Variants in LMBRD1 observed in about 807,000 individuals in gnomAD.
LMBRD1 encodes LMBR1 domain containing 1.
Under a neutral mutation model 74.8 loss-of-function variants are expected in LMBRD1, and 64 were observed. The ratio of observed to expected loss-of-function variants is 0.86; its 90% CI spans 0.70 to 1.05. The LOEUF (loss-of-function observed/expected upper bound fraction) is 1.05, where lower values mean the gene tolerates loss of function less well. Among genes scored for constraint, LMBRD1 ranks in the 50% least tolerant of loss-of-function variants. LMBRD1 has a pLI of 0.00. For synonymous variants in LMBRD1, 204 were observed against 216.3 expected, an observed-to-expected ratio of 0.94 and a Z score of 0.50; for missense variants, 652 against 645.9, an observed-to-expected ratio of 1.01 and a Z score of -0.10.
At chr6:69,705,166 C>T (rs1173628167) in intron 9 of LMBRD1, 5 of 496,134 alleles carry the variant, frequency 1.0e-5, no homozygotes, top group South Asian at 7.9e-5. Flanking sequence ...GCCTGGACAA[C>T]ATTTATCAAA....
intron 2 of LMBRD1, among the ~76,000 whole-genome samples, chr6:69,781,805 A>G (rs746738239): frequency 1.3e-5 from 2 of 152,200 alleles, no homozygotes; most frequent in Admixed American, 6.5e-5. Flanking sequence ...AAAGATTGTA[A>G]ATACCAACTG....
At chr6:69,742,606 T>A (rs1767127931) in intron 5 of LMBRD1, among the ~76,000 whole-genome samples, 2 of 152,108 alleles carry the variant, frequency 1.3e-5, no homozygotes, top group South Asian at 2.1e-4. Flanking sequence ...TCCCTTAGGT[T>A]GTATATGTGT....
intron 3 of LMBRD1, among the ~76,000 whole-genome samples, chr6:69,753,525 G>A (rs7738792): frequency 0.34 from 52,396 of 151,986 alleles, 9,962 homozygotes; most frequent in East Asian, 0.54. Flanking sequence ...AAAACAGTAC[G>A]ATGTTTCCTA....
In LMBRD1 at chr6:69,796,931, A is replaced by G; in HGVS notation, c.-50T>C. On this transcript the variant is annotated 5_prime_UTR_variant, in exon 1 of 16. Transcript: ENST00000649934. ...TGAGCGCCCGGGGTGGGGAAAGGGGAGGGGGAAAGGGGAGAGAGCGCGAGA... is the reference window on the plus strand; with the variant it reads ...TGAGCGCCCGGGGTGGGGAAAGGGGGGGGGGAAAGGGGAGAGAGCGCGAGA... 8.2e-7 allele frequency: 1 copy of G among 1,220,236 alleles called. No individual in the cohort carries two copies. The highest frequency in any genetic ancestry group is 2.5e-5 in the East Asian group (1 of 39,876). The allele number at this position is 1,220,236 out of a possible 1,614,324, so 75.6% of individuals were successfully genotyped here.
chr6:69,689,162 AAAG>A (rs1765827802), intron 14 of LMBRD1, among the ~76,000 whole-genome samples: 1 of 152,108 alleles, frequency 6.6e-6, no homozygotes, highest in Non-Finnish European at 1.5e-5. Context: ...GGCGAGAAGG[AAAG>A]AAGTTCAATC....
At chr6:69,705,893 TA>T in intron 9 of LMBRD1, 1 of 1,336,530 alleles carries the variant, frequency 7.5e-7, no homozygotes, top group Non-Finnish European at 1.1e-6. Flanking sequence ...TCAAAGCCCC[TA>T]AGGAAAATTG....
Position 69,674,309 on chromosome 6 carries a change from A to G in LMBRD1, c.*1849T>C, listed in dbSNP as rs1264952716. On this transcript the variant is annotated 3_prime_UTR_variant, in exon 16 of 16. Transcript: ENST00000649934. ...GTATTATTCTATGAAGTACCAGGGG[A>G]CAAGATTTCAACATATGAATTGTAA... Among the ~76,000 whole-genome samples the G allele has an allele frequency of 6.6e-6, 1 of 152,346 alleles. No individual in the cohort carries two copies. Among genetic ancestry groups the G allele is most frequent in the East Asian group, 1.9e-4 (1 of 5,192 alleles).
intron 3 of LMBRD1, among the ~76,000 whole-genome samples, chr6:69,769,953 T>C (rs980123584): frequency 3.3e-5 from 5 of 152,116 alleles, no homozygotes; most frequent in African/African-American, 1.2e-4. Flanking sequence ...GGAGAGTGTA[T>C]TAAAAGTTCA....
chr6:69,770,915 G>A (rs1340531268), intron 3 of LMBRD1, among the ~76,000 whole-genome samples: 1 of 152,148 alleles, frequency 6.6e-6, no homozygotes, highest in East Asian at 1.9e-4. Flanking sequence ...AAGGCTAAAG[G>A]AGTTAAATTA....
At chr6:69,759,338 A>C (rs931330604) in intron 3 of LMBRD1, among the ~76,000 whole-genome samples, 2 of 152,156 alleles carry the variant, frequency 1.3e-5, no homozygotes, top group African/African-American at 4.8e-5. Flanking sequence ...TAGCAGTCTT[A>C]ATACTCACAC....
chr6:69,749,502 A>G, intron 4 of LMBRD1, 94 bp from the exon 5 acceptor site: 1 of 903,580 alleles, frequency 1.1e-6, no homozygotes, highest in Admixed American at 1.9e-5. Context: ...CACATCAGAT[A>G]CATGCTTACA....
chr6:69,747,600 C>T (rs940584272), intron 5 of LMBRD1, among the ~76,000 whole-genome samples: 9 of 152,180 alleles, frequency 5.9e-5, no homozygotes, highest in Non-Finnish European at 1.3e-4. Flanking sequence ...TAAGAACCTG[C>T]TCCTCTACCA....
At chr6:69,734,175 C>T (rs557975835) in intron 7 of LMBRD1, among the ~76,000 whole-genome samples, 16 of 152,264 alleles carry the variant, frequency 1.1e-4, no homozygotes, top group South Asian at 6.2e-4. Flanking sequence ...GCTGTTACAT[C>T]GGAATCTCTC....
intron 14 of LMBRD1, among the ~76,000 whole-genome samples, chr6:69,684,117 CTAT>C (rs1411966383): frequency 6.6e-6 from 1 of 151,818 alleles, no homozygotes; most frequent in Admixed American, 6.6e-5. Flanking sequence ...TTAAAGGAAA[CTAT>C]TAAGAAAAAT....
chr6:69,768,065 T>G (rs1765505539), intron 3 of LMBRD1, among the ~76,000 whole-genome samples: 1 of 151,932 alleles, frequency 6.6e-6, no homozygotes, highest in Non-Finnish European at 1.5e-5. Flanking sequence ...ATATACTATT[T>G]GTGTCCCTGA....
rs777374813 is a variant in LMBRD1 at position 69,790,423 on chromosome 6, C to T, written c.119G>A (p.Arg40Gln). Reference protein sequence around the residue: ...WIYVRKYQSRRESEVVSTITA... With the variant: ...WIYVRKYQSRQESEVVSTITA... Reference sequence around the variant, plus strand: ...TATGGTGGAGACAACTTCACTTTCCCGCCGACTTTGGTATTTACGAACATA... The same window carrying T: ...TATGGTGGAGACAACTTCACTTTCCTGCCGACTTTGGTATTTACGAACATA... The change falls in exon 2 of 16, where the codon CGG becomes CAG. Residue 40 changes from arginine to glutamine, a missense_variant. Physicochemically the swap from Arg to Gln is conservative, Grantham distance 43. Coordinates refer to ENST00000649934, the MANE Select transcript of LMBRD1 (RefSeq NM_018368.4). 1.5e-5 allele frequency: 25 copies of T among 1,613,864 alleles called. 1 individual carries two copies. The highest frequency in any genetic ancestry group is 1.3e-4 in the African/African-American group (10 of 74,902).
intron 14 of LMBRD1, among the ~76,000 whole-genome samples, chr6:69,692,321 A>G (rs1765904668): frequency 6.6e-6 from 1 of 152,076 alleles, no homozygotes; most frequent in Admixed American, 6.5e-5. Context: ...CAGTAAGCAA[A>G]TATGCTTAAT....
At chr6:69,719,206 A>G in intron 7 of LMBRD1, 125 bp from the exon 8 acceptor site, 1 of 812,034 alleles carries the variant, frequency 1.2e-6, no homozygotes, top group Non-Finnish European at 2.0e-6. Context: ...AGTCACTGAA[A>G]ACATGGTATA....
chr6:69,770,758 G>A (rs1395615018), intron 3 of LMBRD1, among the ~76,000 whole-genome samples: 1 of 152,118 alleles, frequency 6.6e-6, no homozygotes, highest in Non-Finnish European at 1.5e-5. Flanking sequence ...AATTCTAGCA[G>A]GAGGATACAA....
Sources: allele counts gnomAD v4.1 joint callset (sites outside exome capture counted in the v4.1 genomes callset), GRCh38; gene constraint gnomAD v4.1.1; transcripts MANE v1.5; gene names NCBI Gene and HGNC (gene_info 2026-07-23, HGNC 2026-07-21).